DIAPH2: variants seen among roughly 807,000 people sequenced by gnomAD.
DIAPH2 encodes the protein diaphanous related formin 2.
A neutral mutation model predicts 92.7 loss-of-function variants in DIAPH2; 35 were observed. The observed-to-expected ratio is 0.38, with a 90% CI of 0.29 to 0.50. The LOEUF (loss-of-function observed/expected upper bound fraction) is 0.50, where lower values mean the gene tolerates loss of function less well. Among genes scored for constraint, DIAPH2 ranks in the 20% least tolerant of loss-of-function variants. DIAPH2 has a pLI of 0.94. For synonymous variants in DIAPH2, 301 were observed against 280.4 expected (o/e 1.07, Z -0.73); for missense variants, 701 against 819.5 (o/e 0.86, Z 1.77).
At chrX:96,902,393 C>T (rs1482564148) in intron 5 of DIAPH2, among the ~76,000 whole-genome samples, 1 of 111,387 alleles carries the variant, frequency 9.0e-6, no homozygotes, top group Non-Finnish European at 1.9e-5. Context: ...TTGAACTCTC[C>T]CACTCACTAT....
At chrX:97,029,400 A>C (rs2066357798) in intron 17 of DIAPH2, among the ~76,000 whole-genome samples, 1 of 110,908 alleles carries the variant, frequency 9.0e-6, no homozygotes, top group Non-Finnish European at 1.9e-5. Context: ...CACCTGCCTC[A>C]GCTTCCCCCT....
chrX:96,779,437 CATT>C (rs1233500960), intron 4 of DIAPH2, among the ~76,000 whole-genome samples: 1 of 112,017 alleles, frequency 8.9e-6, no homozygotes, highest in Non-Finnish European at 1.9e-5. Context: ...TAGAAGAAAA[CATT>C]AGACAGGTGC....
rs1569430281 is a variant in DIAPH2 at position 97,589,028 on chromosome X, A to ATATATATATATATATAT, written c.3242-10225_3242-10224insTATATATATATATATAT. ...ATATATATATATATATATATATATA[A>ATATATATATATATATAT]AAGAATCAGATGGTTGCGGTGGCTC... On this transcript the variant is annotated intron_variant, in intron 26 of 26. Transcript: ENST00000324765. Among the ~76,000 whole-genome samples the ATATATATATATATATAT allele has an allele frequency of 5.2e-4, 5 of 9,677 alleles. 1 individual carries two copies. The highest frequency in any genetic ancestry group is 0.019 in the South Asian group (2 of 103). The allele number at this position is 9,677 out of a possible 115,157, so 8.4% of individuals were successfully genotyped here. A position where few individuals can be genotyped will look rare whatever the true frequency, so the allele number is the denominator to read the frequency against.
At chrX:96,896,670 T>A (rs965546857) in intron 5 of DIAPH2, among the ~76,000 whole-genome samples, 8 of 112,058 alleles carry the variant, frequency 7.1e-5, no homozygotes, top group Non-Finnish European at 1.5e-4. Context: ...GCCAAAGTTA[T>A]TTCAGCAATT....
chrX:96,904,816 T>TA (rs1481787619), intron 5 of DIAPH2, among the ~76,000 whole-genome samples: 35 of 110,034 alleles, frequency 3.2e-4, no homozygotes, highest in Admixed American at 1.5e-3. Context: ...TTTTCCTATT[T>TA]TAAAAAAAAC....
intron 1 of DIAPH2, among the ~76,000 whole-genome samples, chrX:96,692,029 C>T (rs1349413409): frequency 4.5e-5 from 5 of 112,095 alleles, no homozygotes. Flanking sequence ...GAATTTTAAC[C>T]TACCCTTAAT....
intron 26 of DIAPH2, among the ~76,000 whole-genome samples, chrX:97,506,556 G>A (rs767170632): frequency 1.6e-4 from 17 of 104,896 alleles, no homozygotes; most frequent in Non-Finnish European, 1.7e-4. Context: ...GAAAGGTGTT[G>A]AAACGATTAC....
chrX:97,109,190 G>A (rs1351718162), intron 20 of DIAPH2, among the ~76,000 whole-genome samples: 1 of 111,318 alleles, frequency 9.0e-6, no homozygotes, highest in African/African-American at 3.3e-5. Flanking sequence ...AGGCCCAGGT[G>A]GGCAGATCGC....
At chrX:96,884,919 C>T (rs1259456879) in intron 5 of DIAPH2, 2 of 1,208,905 alleles carry the variant, frequency 1.7e-6, no homozygotes, top group African/African-American at 1.8e-5. Flanking sequence ...TCATCCAGGA[C>T]GAAGTGCTGC....
rs2063762717 is a variant in DIAPH2 at position 96,684,931 on chromosome X, G to C, written c.-128G>C. 1.2e-6 allele frequency: 1 copy of C among 823,439 alleles called. No individual in the cohort carries two copies. The highest frequency in any genetic ancestry group is 2.2e-5 in the African/African-American group (1 of 46,234). The allele number at this position is 823,439 out of a possible 1,213,427, so 67.9% of individuals were successfully genotyped here. A position where few individuals can be genotyped will look rare whatever the true frequency, so the allele number is the denominator to read the frequency against. On this transcript the variant is annotated 5_prime_UTR_variant, in exon 1 of 27. Coordinates refer to ENST00000324765, the MANE Select transcript of DIAPH2 (RefSeq NM_006729.5). ...GGGGGCCTGAAATCGGCAGCTTCCC[G>C]GGCAGACACTCTCTCCCTCAGGAAG...
chrX:97,091,793 C>T (rs1223724051), intron 19 of DIAPH2, among the ~76,000 whole-genome samples: 1 of 111,291 alleles, frequency 9.0e-6, no homozygotes, highest in East Asian at 2.8e-4. Flanking sequence ...TCTATTCTAC[C>T]TAGGAGTACT....
At chrX:97,186,737 G>T (rs1211409312) in intron 22 of DIAPH2, among the ~76,000 whole-genome samples, 1 of 111,897 alleles carries the variant, frequency 8.9e-6, no homozygotes, top group Non-Finnish European at 1.9e-5. Flanking sequence ...AAACTGGCTT[G>T]CATACTACAG....
At chrX:97,338,260 G>A (rs1424783357) in intron 23 of DIAPH2, among the ~76,000 whole-genome samples, 1 of 111,726 alleles carries the variant, frequency 9.0e-6, no homozygotes, top group African/African-American at 3.3e-5. Context: ...ATTAATACAT[G>A]CATTCCATAT....
At chrX:96,919,864 ATTATTTAT>A (rs60595365) in intron 9 of DIAPH2, among the ~76,000 whole-genome samples, 129 of 100,249 alleles carry the variant, frequency 1.3e-3, no homozygotes, top group East Asian at 3.7e-3. Flanking sequence ...TGTCAAATGT[ATTATTTAT>A]TTATTTATTT....
intron 1 of DIAPH2, among the ~76,000 whole-genome samples, chrX:96,707,604 C>T (rs1185812392): frequency 6.4e-5 from 7 of 109,067 alleles, no homozygotes; most frequent in Non-Finnish European, 1.1e-4. Context: ...GCCAAGATCA[C>T]GCCATTGCAC....
chrX:96,924,696 T>C (rs976021862), intron 9 of DIAPH2, among the ~76,000 whole-genome samples: 30 of 111,134 alleles, frequency 2.7e-4, no homozygotes, highest in African/African-American at 9.1e-4. Flanking sequence ...ACAGGAAGCA[T>C]GACTGGGGAG....
intron 22 of DIAPH2, among the ~76,000 whole-genome samples, chrX:97,200,518 C>T (rs1403420997): frequency 2.7e-5 from 3 of 111,634 alleles, no homozygotes; most frequent in East Asian, 2.8e-4. Flanking sequence ...AGGTGGTTTT[C>T]CCCTGACAGT....
At chrX:96,856,081 A>G (rs969966705) in intron 4 of DIAPH2, among the ~76,000 whole-genome samples, 1 of 112,130 alleles carries the variant, frequency 8.9e-6, no homozygotes, top group Non-Finnish European at 1.9e-5. Flanking sequence ...CAAATACCTA[A>G]CAAAAACTAA....
chrX:96,953,490 G>T (rs2065789781), intron 15 of DIAPH2: 1 of 111,807 alleles, frequency 8.9e-6, no homozygotes, highest in Non-Finnish European at 1.9e-5. Context: ...CAAATCAAAA[G>T]CCTTAATATG....
Sources: gnomAD v4.1 joint callset for allele counts (sites outside exome capture counted in the v4.1 genomes callset) on GRCh38, gnomAD v4.1.1 for gene constraint, MANE v1.5 for transcripts, NCBI Gene and HGNC (gene_info 2026-07-23, HGNC 2026-07-21) for gene names.